SH3BGRL2: variants seen among roughly 807,000 people sequenced by gnomAD.
SH3BGRL2 encodes the protein SH3 domain binding glutamate rich protein like 2, also known as SH3 domain-binding glutamic acid-rich-like protein 2.
In SH3BGRL2, 21 loss-of-function variants were observed where a neutral mutation model predicts 14.8. The ratio of observed to expected loss-of-function variants is 1.42; its 90% CI spans 1.01 to 2.05. The LOEUF is 2.05. SH3BGRL2 is among the 30% of genes most tolerant of loss of function. The probability of loss-of-function intolerance (pLI) is 0.00; values close to 1 mark genes in which losing one functional copy is unlikely to be tolerated. For synonymous variants in SH3BGRL2, 50 were observed against 47.8 expected (o/e 1.05, Z -0.19); for missense variants, 147 against 130.8 (o/e 1.12, Z -0.61).
chr6:79,616,714 A>G, the SH3BGRL2 span, among the ~76,000 whole-genome samples: 13 of 152,130 alleles, frequency 8.5e-5, no homozygotes, highest in African/African-American at 3.1e-4. Flanking sequence ...TTAGGACCAT[A>G]CCTCTTGTTC....
At chr6:79,564,149 C>A in the SH3BGRL2 span, among the ~76,000 whole-genome samples, 1 of 151,110 alleles carries the variant, frequency 6.6e-6, no homozygotes, top group African/African-American at 2.4e-5. Context: ...CCTGTGGTAT[C>A]TTGGAAAACA....
chr6:79,571,354 T>G, the SH3BGRL2 span, among the ~76,000 whole-genome samples: 1 of 152,212 alleles, frequency 6.6e-6, no homozygotes, highest in African/African-American at 2.4e-5. Context: ...TTAAGATGAC[T>G]TGCTTTTATT....
chr6:79,569,100 T>C, the SH3BGRL2 span, among the ~76,000 whole-genome samples: 8 of 152,196 alleles, frequency 5.3e-5, no homozygotes, highest in Non-Finnish European at 7.4e-5. Flanking sequence ...ACATGTACGA[T>C]GTACATTGTA....
the SH3BGRL2 span, among the ~76,000 whole-genome samples, chr6:79,624,278 A>T: frequency 6.7e-6 from 1 of 149,858 alleles, no homozygotes; most frequent in Non-Finnish European, 1.5e-5. Flanking sequence ...ATAGTATATC[A>T]TATATATATC....
chr6:79,687,256 T>C (rs1160734469), intron 2 of SH3BGRL2, among the ~76,000 whole-genome samples: 1 of 152,196 alleles, frequency 6.6e-6, no homozygotes, highest in Non-Finnish European at 1.5e-5. Context: ...TGGTTTCCCC[T>C]GCTGTGTTTT....
the SH3BGRL2 span, among the ~76,000 whole-genome samples, chr6:79,537,958 T>A: frequency 6.7e-6 from 1 of 148,840 alleles, no homozygotes; most frequent in Admixed American, 6.8e-5. Context: ...GGCTTGAAAG[T>A]GATTTTTAGG....
intron 2 of SH3BGRL2, among the ~76,000 whole-genome samples, chr6:79,693,095 A>G (rs1261953219): frequency 1.3e-5 from 2 of 151,476 alleles, no homozygotes; most frequent in Non-Finnish European, 3.0e-5. Flanking sequence ...TTGGATTCCT[A>G]GGTACTTTAT....
the SH3BGRL2 span, among the ~76,000 whole-genome samples, chr6:79,539,117 T>C: frequency 6.6e-6 from 1 of 152,162 alleles, no homozygotes; most frequent in Non-Finnish European, 1.5e-5. Context: ...TGCAATTTTA[T>C]TCACCCCCTC....
intron 2 of SH3BGRL2, among the ~76,000 whole-genome samples, chr6:79,679,929 A>G (rs928514981): frequency 6.6e-6 from 1 of 151,932 alleles, no homozygotes; most frequent in Non-Finnish European, 1.5e-5. Flanking sequence ...AAATTAGGTT[A>G]TTTGATTTTT....
chr6:79,617,277 T>A, the SH3BGRL2 span, among the ~76,000 whole-genome samples: 1 of 152,210 alleles, frequency 6.6e-6, no homozygotes, highest in African/African-American at 2.4e-5. Flanking sequence ...ATTTGATTAT[T>A]CTGCATTTAT....
the SH3BGRL2 span, among the ~76,000 whole-genome samples, chr6:79,612,749 C>T: frequency 6.6e-6 from 1 of 152,196 alleles, no homozygotes; most frequent in Admixed American, 6.5e-5. Flanking sequence ...AAAGAGGCTG[C>T]TCAAAAACCT....
chr6:79,552,559 G>A, the SH3BGRL2 span, among the ~76,000 whole-genome samples: 7 of 152,050 alleles, frequency 4.6e-5, no homozygotes, highest in East Asian at 1.2e-3. Context: ...AAAGAGGGAG[G>A]GTATAATGAG....
intron 2 of SH3BGRL2, among the ~76,000 whole-genome samples, chr6:79,689,431 G>GAC (rs1770165200): frequency 6.6e-6 from 1 of 152,046 alleles, no homozygotes; most frequent in Admixed American, 6.6e-5. Flanking sequence ...CTAAACATCT[G>GAC]ACATTTCTAA....
At chr6:79,656,079 A>G (rs718943) in intron 1 of SH3BGRL2, among the ~76,000 whole-genome samples, 73,192 of 152,118 alleles carry the variant, frequency 0.48, 18,208 homozygotes, top group Non-Finnish European at 0.53. Context: ...GAAATCATCT[A>G]ATTTAGGTTT....
the SH3BGRL2 span, among the ~76,000 whole-genome samples, chr6:79,546,409 A>G: frequency 2.6e-5 from 4 of 152,150 alleles, no homozygotes; most frequent in African/African-American, 9.7e-5. Context: ...TTAGGAGTCA[A>G]AACCTCCCAC....
At chr6:79,631,648 T>C in intron 1 of SH3BGRL2, 142 bp downstream of exon 1, 1 of 289,062 alleles carries the variant, frequency 3.5e-6, no homozygotes, top group East Asian at 8.7e-5. Flanking sequence ...TCCATCACAC[T>C]CCGACAACAA....
chr6:79,556,684 T>G, the SH3BGRL2 span, among the ~76,000 whole-genome samples: 667 of 152,036 alleles, frequency 4.4e-3, 9 homozygotes, highest in African/African-American at 0.015. Context: ...AAACAAAACC[T>G]GTAATATACA....
chr6:79,637,478 G>A (rs1487138316), intron 1 of SH3BGRL2, among the ~76,000 whole-genome samples: 4 of 152,032 alleles, frequency 2.6e-5, no homozygotes, highest in African/African-American at 9.7e-5. Flanking sequence ...GGATCACGAG[G>A]TCAGGAGTTC....
chr6:79,620,312 A>T, the SH3BGRL2 span, among the ~76,000 whole-genome samples: 11,441 of 148,586 alleles, frequency 0.077, 550 homozygotes, highest in Non-Finnish European at 0.11. Flanking sequence ...AAATTTAAAG[A>T]TTTTTTTTTT....
Sources: gnomAD v4.1 joint callset for allele counts (sites outside exome capture counted in the v4.1 genomes callset) on GRCh38, gnomAD v4.1.1 for gene constraint, MANE v1.5 for transcripts, NCBI Gene and HGNC (gene_info 2026-07-23, HGNC 2026-07-21) for gene names.